TENM3: variants seen among roughly 807,000 people sequenced by gnomAD.
TENM3 encodes teneurin transmembrane protein 3.
A neutral mutation model predicts 255.1 loss-of-function variants in TENM3; 63 were observed. The observed-to-expected ratio is 0.25, with a 90% CI of 0.20 to 0.30. The LOEUF (loss-of-function observed/expected upper bound fraction) is 0.30, where lower values mean the gene tolerates loss of function less well. TENM3 is among the 10% of genes least tolerant of loss of function. The probability of loss-of-function intolerance (pLI) is 1.00; values close to 1 mark genes in which losing one functional copy is unlikely to be tolerated. For missense variants in TENM3, 2,929 were observed against 3,461.1 expected, an observed-to-expected ratio of 0.85 and a Z score of 3.86; for synonymous variants, 1,306 against 1,322.3, an observed-to-expected ratio of 0.99 and a Z score of 0.27.
chr4:182,690,301 G>T (rs1356231903), intron 12 of TENM3, among the ~76,000 whole-genome samples: 3 of 152,226 alleles, frequency 2.0e-5, no homozygotes, highest in East Asian at 3.8e-4. Flanking sequence ...AAGAGGCTTT[G>T]TAGGGCAGTG....
chr4:182,111,082 A>G, the TENM3 span, among the ~76,000 whole-genome samples: 1 of 152,144 alleles, frequency 6.6e-6, no homozygotes, highest in African/African-American at 2.4e-5. Flanking sequence ...ACAATGGAAA[A>G]CAAATAGTTA....
chr4:182,634,869 G>A (rs1357892193), intron 5 of TENM3, among the ~76,000 whole-genome samples: 1 of 152,148 alleles, frequency 6.6e-6, no homozygotes, highest in Non-Finnish European at 1.5e-5. Flanking sequence ...TTTCTGGGTA[G>A]AAGATAACCT....
At chr4:181,826,389 A>T in the TENM3 span, among the ~76,000 whole-genome samples, 1 of 152,366 alleles carries the variant, frequency 6.6e-6, no homozygotes, top group South Asian at 2.1e-4. Flanking sequence ...TTAAGGTAAC[A>T]TAATTAAAAG....
the TENM3 span, among the ~76,000 whole-genome samples, chr4:181,852,268 A>G: frequency 6.6e-6 from 1 of 152,362 alleles, no homozygotes; most frequent in East Asian, 1.9e-4. Context: ...GTGTGACAGA[A>G]GGAAGAGAGA....
chr4:182,500,206 T>C lies in TENM3; in HGVS notation c.512-100718T>C, dbSNP rs148479300. 6.6e-5 allele frequency among the ~76,000 whole-genome samples: 10 copies of C among 152,180 alleles called. No homozygotes were observed. The East Asian group carries it at 1.9e-3, about 29-fold the overall frequency. On this transcript the variant is annotated intron_variant, in intron 3 of 27. Coordinates refer to ENST00000511685, the MANE Select transcript of TENM3 (RefSeq NM_001080477.4). ...AATTAATTGAGAAATACTGAGAAAA[T>C]ACACGATAACTTGACAAAGAAGAGC...
At chr4:182,322,752 G>T (rs1323820696) in intron 1 of TENM3, among the ~76,000 whole-genome samples, 2 of 152,162 alleles carry the variant, frequency 1.3e-5, no homozygotes, top group African/African-American at 4.8e-5. Flanking sequence ...CCAAGACTGA[G>T]ACCAGAGACA....
chr4:182,232,605 G>A (rs950541661), intron 1 of TENM3, among the ~76,000 whole-genome samples: 7 of 151,988 alleles, frequency 4.6e-5, no homozygotes, highest in East Asian at 3.9e-4. Context: ...GCTGAGGCAG[G>A]AGAATCACTT....
the TENM3 span, among the ~76,000 whole-genome samples, chr4:181,786,167 T>C: frequency 6.6e-6 from 1 of 152,174 alleles, no homozygotes; most frequent in Admixed American, 6.5e-5. Context: ...TTATTAACTT[T>C]GGGACTTACA....
At chr4:181,548,269 T>C in the TENM3 span, among the ~76,000 whole-genome samples, 1 of 152,214 alleles carries the variant, frequency 6.6e-6, no homozygotes, top group Admixed American at 6.5e-5. Flanking sequence ...CTCAGGAATC[T>C]GGAACTAGAA....
At chr4:181,571,955 T>C in the TENM3 span, among the ~76,000 whole-genome samples, 2 of 152,186 alleles carry the variant, frequency 1.3e-5, no homozygotes, top group African/African-American at 4.8e-5. Flanking sequence ...ATTTCACCAA[T>C]ATGATTATAG....
chr4:182,629,644 A>G (rs1751164924), intron 5 of TENM3, among the ~76,000 whole-genome samples: 1 of 152,278 alleles, frequency 6.6e-6, no homozygotes, highest in Middle Eastern at 3.4e-3. Context: ...TTGAAATGCT[A>G]ATGGTGTCCA....
intron 1 of TENM3, among the ~76,000 whole-genome samples, chr4:182,258,469 G>A (rs993960865): frequency 1.3e-5 from 2 of 151,952 alleles, no homozygotes; most frequent in African/African-American, 4.8e-5. Flanking sequence ...TTTTCATTTA[G>A]GCATTCAATG....
intron 3 of TENM3, among the ~76,000 whole-genome samples, chr4:182,377,286 A>G (rs1767237171): frequency 1.3e-5 from 2 of 152,140 alleles, no homozygotes; most frequent in Admixed American, 1.3e-4. Flanking sequence ...GTATAGGCAC[A>G]TAAAGCCACA....
At chr4:182,154,185 AGGTTCT>A (rs1464237459) in intron 1 of TENM3, among the ~76,000 whole-genome samples, 1 of 150,876 alleles carries the variant, frequency 6.6e-6, no homozygotes, top group Non-Finnish European at 1.5e-5. Flanking sequence ...TTTCAGGATG[AGGTTCT>A]GGTTCTTTTA....
chr4:181,829,013 G>A, the TENM3 span, among the ~76,000 whole-genome samples: 7 of 152,276 alleles, frequency 4.6e-5, no homozygotes, highest in Non-Finnish European at 1.0e-4. Flanking sequence ...CCCAGCCAAG[G>A]TGACATGGAC....
the TENM3 span, among the ~76,000 whole-genome samples, chr4:181,455,607 T>G: frequency 6.6e-6 from 1 of 152,046 alleles, no homozygotes; most frequent in Non-Finnish European, 1.5e-5. Flanking sequence ...AAATTGTAAT[T>G]AAATTAAAGA....
chr4:182,383,647 T>C (rs1337951959), intron 3 of TENM3, among the ~76,000 whole-genome samples: 2 of 152,002 alleles, frequency 1.3e-5, no homozygotes, highest in African/African-American at 4.8e-5. Context: ...CATTTTGGAA[T>C]CCTCGGTGTC....
the TENM3 span, among the ~76,000 whole-genome samples, chr4:181,990,869 A>G: frequency 1.4e-4 from 21 of 152,200 alleles, no homozygotes; most frequent in African/African-American, 5.1e-4. Context: ...GTGTCATTCA[A>G]TAGCATCACT....
chr4:181,685,882 G>A, the TENM3 span, among the ~76,000 whole-genome samples: 2 of 152,120 alleles, frequency 1.3e-5, no homozygotes, highest in Non-Finnish European at 2.9e-5. Context: ...TCATCTACTA[G>A]TGGGTGTTCC....
Sources: allele counts gnomAD v4.1 joint callset (sites outside exome capture counted in the v4.1 genomes callset), GRCh38; gene constraint gnomAD v4.1.1; transcripts MANE v1.5; gene names NCBI Gene and HGNC (gene_info 2026-07-23, HGNC 2026-07-21).